Variants in FGFR1 observed in about 807,000 individuals in gnomAD.
FGFR1 encodes the protein fibroblast growth factor receptor 1, also known as FGFR1/PLAG1 fusion.
In FGFR1, 18 loss-of-function variants were observed where a neutral mutation model predicts 93.7. That is an observed-to-expected ratio of 0.19 (90% CI 0.13 to 0.28). FGFR1 has a LOEUF of 0.28. Among genes scored for constraint, FGFR1 ranks in the 10% least tolerant of loss-of-function variants. FGFR1 has a pLI of 1.00. For missense variants in FGFR1, 731 were observed against 1,080.4 expected, an observed-to-expected ratio of 0.68 and a Z score of 4.53; for synonymous variants, 448 against 429.3, an observed-to-expected ratio of 1.04 and a Z score of -0.54.
intron 8 of FGFR1, among the ~76,000 whole-genome samples, chr8:38,420,679 G>C (rs1341310844): frequency 6.6e-6 from 1 of 152,018 alleles, no homozygotes; most frequent in African/African-American, 2.4e-5. Context: ...CCACGGGTGT[G>C]GACGGCCCTC....
chr8:38,457,022 A>G (rs1464342004), intron 2 of FGFR1, among the ~76,000 whole-genome samples: 1 of 152,022 alleles, frequency 6.6e-6, no homozygotes, highest in Non-Finnish European at 1.5e-5. Context: ...TTTATACATC[A>G]CCTATGTTAA....
rs1390224055 is a variant in FGFR1 at position 38,424,319 on chromosome 8, C to T, written c.936+190G>A. ...GCAGCCCTCTGTTCCCAGCTCACCT[C>T]CACTTTGTGACCTCTGTTACTAGTC... On this transcript the variant is annotated intron_variant, in intron 7 of 17. Coordinates refer to ENST00000447712, the MANE Select transcript of FGFR1 (RefSeq NM_023110.3). The surrounding 1 kb of genome is among the most constrained non-coding windows in gnomAD (Gnocchi z 4.3). The T allele has an allele frequency of 1.3e-6, 1 of 743,278 alleles. No homozygotes were observed. Among genetic ancestry groups the T allele is most frequent in the East Asian group, 2.7e-5 (1 of 37,060 alleles). 46.0% of individuals were successfully genotyped at this position (743,278 alleles called of 1,614,324 possible).
chr8:38,465,176 C>T (rs535656193), intron 1 of FGFR1, among the ~76,000 whole-genome samples: 1 of 152,354 alleles, frequency 6.6e-6, no homozygotes, highest in Non-Finnish European at 1.5e-5. Flanking sequence ...TGAGCCTTTG[C>T]TTCCCTTGCT....
At chr8:38,414,685 G>C (rs2978072) in intron 14 of FGFR1, 56 bp from the exon 15 acceptor site, 10 of 1,613,472 alleles carry the variant, frequency 6.2e-6, no homozygotes, top group African/African-American at 1.3e-5. Flanking sequence ...TGAGGGCACA[G>C]GTGGGAAGGG....
chr8:38,463,647 G>C (rs1834905315), intron 1 of FGFR1, among the ~76,000 whole-genome samples: 1 of 152,130 alleles, frequency 6.6e-6, no homozygotes, highest in African/African-American at 2.4e-5. Flanking sequence ...GAAACTGACA[G>C]AGATACTCCT....
chr8:38,443,755 A>G (rs1250300447), intron 2 of FGFR1, among the ~76,000 whole-genome samples: 1 of 152,074 alleles, frequency 6.6e-6, no homozygotes, highest in East Asian at 1.9e-4. Flanking sequence ...TTTTACCACA[A>G]CAAAAGAATT....
At chr8:38,423,896 T>C (rs1819738426) in intron 7 of FGFR1, 1 of 176,466 alleles carries the variant, frequency 5.7e-6, no homozygotes, top group African/African-American at 2.4e-5. Context: ...GTAAACAACT[T>C]TCCCAGCTTC....
At position 38,468,545 on chromosome 8, in the gene FGFR1, G is replaced by GCGGCTGCACCGGCGTCC; in HGVS notation, c.-670_-654dup. 1 of 228,742 alleles carries GCGGCTGCACCGGCGTCC rather than the reference G, an allele frequency of 4.4e-6. No homozygotes were observed. 14.2% of individuals were successfully genotyped at this position (228,742 alleles called of 1,614,324 possible). A position where few individuals can be genotyped will look rare whatever the true frequency, so the allele number is the denominator to read the frequency against. ...GCACACCCGGGTTCCTCCGCGCGCTGCGGCTGCACCGGCGTCCCGGCTCCC... is the reference window on the plus strand; with the variant it reads ...GCACACCCGGGTTCCTCCGCGCGCTGCGGCTGCACCGGCGTCCCGGCTGCACCGGCGTCCCGGCTCCC... On this transcript the variant is annotated 5_prime_UTR_variant, in exon 1 of 18. Coordinates refer to ENST00000447712, the MANE Select transcript of FGFR1 (RefSeq NM_023110.3).
At chr8:38,438,024 G>A (rs2978073) in intron 2 of FGFR1, among the ~76,000 whole-genome samples, 13,662 of 152,156 alleles carry the variant, frequency 0.09, 959 homozygotes, top group East Asian at 0.3. Flanking sequence ...AAACATCTGA[G>A]TAAACAGCAA....
chr8:38,456,222 C>T (rs919941894), intron 2 of FGFR1, among the ~76,000 whole-genome samples: 11 of 152,184 alleles, frequency 7.2e-5, no homozygotes, highest in African/African-American at 2.7e-4. Context: ...CTCTGTGTGA[C>T]CAGCCACTGA....
intron 2 of FGFR1, among the ~76,000 whole-genome samples, chr8:38,444,051 CAAAAAAAA>C (rs746296068): frequency 0.024 from 1,799 of 74,380 alleles, 46 homozygotes; most frequent in African/African-American, 0.085. Flanking sequence ...GAAACTGTCT[CAAAAAAAA>C]AAAAAAAAAA....
intron 4 of FGFR1, 118 bp downstream of exon 4, chr8:38,428,228 G>A (rs144183164): frequency 6.9e-7 from 1 of 1,456,040 alleles, no homozygotes; most frequent in South Asian, 1.1e-5. Flanking sequence ...CTGGCACTTA[G>A]CAGAACAGGC....
chr8:38,430,003 G>A lies in FGFR1; in HGVS notation c.92-55C>T, dbSNP rs1202549662. The A allele has an allele frequency of 4.0e-6, 6 of 1,517,974 alleles. No individual in the cohort carries two copies. The East Asian group carries it at 1.4e-4, about 36-fold the overall frequency. 94.0% of individuals were successfully genotyped at this position (1,517,974 alleles called of 1,614,324 possible). ...GCCAAGGGGCGAGAGAGGAAGACAG[G>A]GAGAGGGGAGGAGGGGAGAGACAAA... On this transcript the variant is annotated intron_variant, in intron 2 of 17. Coordinates refer to ENST00000447712, the MANE Select transcript of FGFR1 (RefSeq NM_023110.3).
chr8:38,444,144 T>A (rs773540052), intron 2 of FGFR1, among the ~76,000 whole-genome samples: 3 of 151,692 alleles, frequency 2.0e-5, no homozygotes, highest in Non-Finnish European at 2.9e-5. Context: ...GCAAAAAAGT[T>A]GATGATCCTT....
At position 38,423,057 on chromosome 8, in the gene FGFR1, G is replaced by A. The variant is rs1226528351; in HGVS notation, c.937-1116C>T. The A allele has an allele frequency of 6.4e-6, 5 of 779,618 alleles. No homozygotes were observed. Among genetic ancestry groups the A allele is most frequent in the East Asian group, 4.8e-5 (2 of 41,240 alleles). 48.3% of individuals were successfully genotyped at this position (779,618 alleles called of 1,614,324 possible). ...CACAGGTCTGGTGACAGTGAGCCACGCAGACTGGTTAGCTTCACCAATATA... is the reference window on the plus strand; with the variant it reads ...CACAGGTCTGGTGACAGTGAGCCACACAGACTGGTTAGCTTCACCAATATA... On this transcript the variant is annotated intron_variant, in intron 7 of 17. Transcript: ENST00000447712.
At chr8:38,441,986 A>G (rs1827639500) in intron 2 of FGFR1, among the ~76,000 whole-genome samples, 1 of 152,198 alleles carries the variant, frequency 6.6e-6, no homozygotes, top group African/African-American at 2.4e-5. Flanking sequence ...CTCCACCCAG[A>G]AACATGTTTT....
At chr8:38,440,650 A>G (rs1252460436) in intron 2 of FGFR1, among the ~76,000 whole-genome samples, 1 of 151,924 alleles carries the variant, frequency 6.6e-6, no homozygotes, top group Non-Finnish European at 1.5e-5. Flanking sequence ...GGCCACTGCC[A>G]GAAGAGCCCA....
chr8:38,417,109 G>C (rs1219371659), intron 12 of FGFR1, among the ~76,000 whole-genome samples, 197 bp downstream of exon 12: 3 of 152,222 alleles, frequency 2.0e-5, no homozygotes, highest in African/African-American at 2.4e-5. Context: ...CCACGTGTGT[G>C]AATCTAGGTA....
chr8:38,433,436 G>A (rs996786893), intron 2 of FGFR1, among the ~76,000 whole-genome samples: 11 of 152,120 alleles, frequency 7.2e-5, no homozygotes, highest in African/African-American at 2.7e-4. Flanking sequence ...TCAGCCTCTG[G>A]AGCAGCTGGG....
Sources: allele counts gnomAD v4.1 joint callset (sites outside exome capture counted in the v4.1 genomes callset), GRCh38; gene constraint gnomAD v4.1.1; non-coding constraint Gnocchi (gnomAD v3.1); transcripts MANE v1.5; gene names NCBI Gene and HGNC (gene_info 2026-07-23, HGNC 2026-07-21).